CGNL1: variants seen among roughly 807,000 people sequenced by gnomAD.
The protein encoded by CGNL1 is cingulin-like protein 1.
In CGNL1, 132 loss-of-function variants were observed where a neutral mutation model predicts 141.2. The ratio of observed to expected loss-of-function variants is 0.93; its 90% CI spans 0.81 to 1.08. CGNL1 has a LOEUF of 1.08. Among genes scored for constraint, CGNL1 ranks in the 50% least tolerant of loss-of-function variants. The pLI, the probability that CGNL1 is intolerant of heterozygous loss-of-function variation, is 0.00. For missense variants in CGNL1, 1,870 were observed against 1,588.6 expected (o/e 1.18, Z -3.01); for synonymous variants, 690 against 622.1 (o/e 1.11, Z -1.63).
chr15:57,415,720 C>T (rs1167100432), intron 1 of CGNL1, among the ~76,000 whole-genome samples: 1 of 152,230 alleles, frequency 6.6e-6, no homozygotes, highest in Non-Finnish European at 1.5e-5. Flanking sequence ...TCCCTCAGTG[C>T]CTGGCACGGG....
chr15:57,511,967 T>C (rs893838672), intron 8 of CGNL1, among the ~76,000 whole-genome samples: 6 of 152,234 alleles, frequency 3.9e-5, no homozygotes, highest in Non-Finnish European at 8.8e-5. Flanking sequence ...TGTTATAACA[T>C]ATAGGACTTG....
At chr15:57,471,493 G>A (rs1394345731) in intron 8 of CGNL1, among the ~76,000 whole-genome samples, 2 of 152,202 alleles carry the variant, frequency 1.3e-5, no homozygotes, top group Non-Finnish European at 2.9e-5. Flanking sequence ...AGGGCACCTC[G>A]ATGACTCAAA....
At position 57,438,541 on chromosome 15, in the gene CGNL1, A is replaced by G. The variant is rs1567116601; in HGVS notation, c.542A>G (p.Glu181Gly). 6.2e-7 allele frequency: 1 copy of G among 1,613,962 alleles called. No homozygotes were observed. The highest frequency in any genetic ancestry group is 1.1e-5 in the South Asian group (1 of 91,084). The change falls in exon 2 of 19, where the codon GAA becomes GGA. Residue 181 changes from glutamate to glycine, a missense_variant. By Grantham distance (98) the Glu-to-Gly change is moderately conservative. Coordinates refer to ENST00000281282, the MANE Select transcript of CGNL1 (RefSeq NM_032866.5). Reference protein sequence around the residue: ...ESNWLKTLTEEGINNKKPWTC... With the variant: ...ESNWLKTLTEGGINNKKPWTC... ...AATTGGCTAAAAACGTTGACAGAAG[A>G]AGGCATCAACAATAAGAAGCCTTGG...
chr15:57,450,577 CATT>C (rs1162784216), intron 4 of CGNL1, among the ~76,000 whole-genome samples: 1 of 152,116 alleles, frequency 6.6e-6, no homozygotes, highest in Non-Finnish European at 1.5e-5. Flanking sequence ...CACCCAGCCT[CATT>C]GTTGTTTTAA....
At chr15:57,531,634 C>T in intron 13 of CGNL1, 56 bp from the exon 14 acceptor site, 1 of 1,117,622 alleles carries the variant, frequency 8.9e-7, no homozygotes, top group Non-Finnish European at 1.4e-6. Context: ...GGAGCCTTTG[C>T]TGTTAATCCC....
At position 57,528,764 on chromosome 15, in the gene CGNL1, A is replaced by C; in HGVS notation, c.3150A>C (p.Glu1050Asp). ...TGAAGGACCTGGAGTATGAGCTGGA[A>C]GCCAAGAGTCACCTCAAAGATGACC... ...QTLKDLEYEL[E>D]AKSHLKDDRS... Residue 1050 changes from glutamate (E) to aspartate (D), a missense_variant, in exon 13 of 19, where the codon GAA becomes GAC. Transcript: ENST00000281282. The C allele has an allele frequency of 6.2e-7, 1 of 1,614,160 alleles. No homozygotes were observed. The highest frequency in any genetic ancestry group is 1.3e-5 in the African/African-American group (1 of 75,044).
intron 7 of CGNL1, among the ~76,000 whole-genome samples, chr15:57,456,444 T>C (rs1273670646): frequency 1.3e-5 from 2 of 151,798 alleles, no homozygotes; most frequent in Admixed American, 6.6e-5. Context: ...GCTCTGTCTA[T>C]GGAGCAGCCA....
chr15:57,450,787 T>C (rs1192075521), intron 4 of CGNL1, among the ~76,000 whole-genome samples: 5 of 152,192 alleles, frequency 3.3e-5, no homozygotes, highest in African/African-American at 1.2e-4. Flanking sequence ...GCTTTCATAG[T>C]TTTTGCTGGG....
At chr15:57,462,096 G>A (rs1412005243) in intron 8 of CGNL1, among the ~76,000 whole-genome samples, 1 of 152,194 alleles carries the variant, frequency 6.6e-6, no homozygotes, top group African/African-American at 2.4e-5. Flanking sequence ...TGAAACGTTG[G>A]TAGGGACATT....
chr15:57,522,563 T>C (rs968645659), intron 10 of CGNL1, among the ~76,000 whole-genome samples: 2 of 152,214 alleles, frequency 1.3e-5, no homozygotes, highest in Non-Finnish European at 2.9e-5. Flanking sequence ...CCAGTCTGTG[T>C]TTGAGTCAGG....
chr15:57,514,257 T>C (rs2030585943), intron 8 of CGNL1, among the ~76,000 whole-genome samples: 1 of 152,136 alleles, frequency 6.6e-6, no homozygotes. Flanking sequence ...GTTCAAACAA[T>C]TCTCTCGCCT....
intron 11 of CGNL1, 81 bp downstream of exon 11, chr15:57,523,722 C>T: frequency 6.8e-7 from 1 of 1,469,072 alleles, no homozygotes; most frequent in Non-Finnish European, 9.3e-7. Flanking sequence ...CTGGTGAAAG[C>T]CTGGGAAACC....
Position 57,503,603 on chromosome 15 carries a change from G to C in CGNL1, c.2404-13177G>C, listed in dbSNP as rs180798453. 3.7e-3 allele frequency among the ~76,000 whole-genome samples: 557 copies of C among 152,218 alleles called. 6 individuals carry two copies. The highest frequency in any genetic ancestry group is 0.013 in the African/African-American group (521 of 41,528). ...GCTAAAGGCTTGGAGTGGAAGGGGTGTGTTATTAATCCATTTTCATGCTGC... is the reference window on the plus strand; with the variant it reads ...GCTAAAGGCTTGGAGTGGAAGGGGTCTGTTATTAATCCATTTTCATGCTGC... On this transcript the variant is annotated intron_variant, in intron 8 of 18. Coordinates refer to ENST00000281282, the MANE Select transcript of CGNL1 (RefSeq NM_032866.5).
intron 1 of CGNL1, among the ~76,000 whole-genome samples, chr15:57,391,835 G>T (rs568024385): frequency 2.0e-5 from 3 of 151,952 alleles, no homozygotes; most frequent in African/African-American, 7.3e-5. Context: ...TCCACCCATC[G>T]TATCCTTATT....
intron 1 of CGNL1, chr15:57,398,196 T>C (rs980539542): frequency 2.0e-5 from 3 of 152,250 alleles, no homozygotes; most frequent in Non-Finnish European, 4.4e-5. Context: ...TTAAAAACTT[T>C]TCAGTTCTAC....
chr15:57,421,772 T>C (rs1287731775), intron 1 of CGNL1, among the ~76,000 whole-genome samples: 3 of 152,060 alleles, frequency 2.0e-5, no homozygotes, highest in Non-Finnish European at 4.4e-5. Context: ...TCAGGCGTCG[T>C]GTGCTCCTGT....
At chr15:57,392,975 T>C (rs1022324802) in intron 1 of CGNL1, among the ~76,000 whole-genome samples, 1 of 152,208 alleles carries the variant, frequency 6.6e-6, no homozygotes, top group Non-Finnish European at 1.5e-5. Context: ...AGTGTGAATA[T>C]GCCTGTTGGT....
rs185914665 is a variant in CGNL1, at chr15:57,451,497, T to C, written c.1804-3T>C. ...ATTAGTATATCTTTGCAATTAATTA[T>C]AGGCTTGTAATTCCACATCTGAAGT... On this transcript the variant is annotated splice_polypyrimidine_tract_variant and splice_region_variant and intron_variant, in intron 4 of 18. Coordinates refer to ENST00000281282, the MANE Select transcript of CGNL1 (RefSeq NM_032866.5). 793 of 1,596,146 alleles carry C rather than the reference T, an allele frequency of 5.0e-4. 5 individuals carry two copies. In the African/African-American group the frequency reaches 9.8e-3, roughly 20 times the overall value.
At chr15:57,514,789 G>A (rs373220025) in intron 8 of CGNL1, among the ~76,000 whole-genome samples, 3 of 152,094 alleles carry the variant, frequency 2.0e-5, no homozygotes, top group East Asian at 1.9e-4. Flanking sequence ...ATGGTATGAG[G>A]AAGATGTCTA....
Sources: gnomAD v4.1 joint callset for allele counts (sites outside exome capture counted in the v4.1 genomes callset) on GRCh38, gnomAD v4.1.1 for gene constraint, MANE v1.5 for transcripts, NCBI Gene and HGNC (gene_info 2026-07-23, HGNC 2026-07-21) for gene names.